The following BNC2 variants were observed in gnomAD, a reference collection of about 807,000 sequenced individuals.
The protein encoded by BNC2 is basonuclin zinc finger protein 2.
A neutral mutation model predicts 76.3 loss-of-function variants in BNC2; 20 were observed. The ratio of observed to expected loss-of-function variants is 0.26; its 90% CI spans 0.18 to 0.38. The LOEUF is 0.38. Ranked by LOEUF, BNC2 falls within the 10% of genes least tolerant of loss-of-function variation. BNC2 has a pLI of 1.00. For synonymous variants in BNC2, 582 were observed against 514.8 expected, an observed-to-expected ratio of 1.13 and a Z score of -1.77; for missense variants, 1,382 against 1,399.8, an observed-to-expected ratio of 0.99 and a Z score of 0.20.
intron 5 of BNC2, among the ~76,000 whole-genome samples, chr9:16,505,328 T>C (rs577999210): frequency 7.2e-5 from 11 of 152,300 alleles, no homozygotes; most frequent in East Asian, 3.9e-4. Context: ...TCTTTGTTTA[T>C]AGAAGGAGTA....
chr9:16,780,302 G>T (rs181589981), intron 1 of BNC2, among the ~76,000 whole-genome samples: 2 of 149,450 alleles, frequency 1.3e-5, no homozygotes, highest in Admixed American at 6.7e-5. Flanking sequence ...GGCTGGGCTC[G>T]GTGGCTCACG....
chr9:16,679,643 T>C (rs191226591), intron 3 of BNC2, among the ~76,000 whole-genome samples: 37 of 152,340 alleles, frequency 2.4e-4, no homozygotes, highest in Admixed American at 5.2e-4. Flanking sequence ...TGGTGACAAG[T>C]TGTCCTCTGA....
At chr9:16,530,516 G>A (rs934591296) in intron 5 of BNC2, among the ~76,000 whole-genome samples, 2 of 152,142 alleles carry the variant, frequency 1.3e-5, no homozygotes, top group African/African-American at 4.8e-5. Flanking sequence ...TAGGAGAGAG[G>A]GCGATGATCA....
At chr9:16,574,145 T>A (rs895464441) in intron 4 of BNC2, among the ~76,000 whole-genome samples, 1 of 152,198 alleles carries the variant, frequency 6.6e-6, no homozygotes, top group African/African-American at 2.4e-5. Context: ...GTTTCATTTA[T>A]AAACCCTTCA....
At chr9:16,831,416 G>A (rs1818575282) in intron 1 of BNC2, among the ~76,000 whole-genome samples, 1 of 152,210 alleles carries the variant, frequency 6.6e-6, no homozygotes, top group Admixed American at 6.5e-5. Context: ...GAATATATCT[G>A]TATTCACTTG....
chr9:16,705,713 G>A (rs1222710311), intron 3 of BNC2, among the ~76,000 whole-genome samples: 1 of 150,840 alleles, frequency 6.6e-6, no homozygotes, highest in African/African-American at 2.4e-5. Context: ...CTTTACATTT[G>A]CATTGATAAT....
intron 3 of BNC2, among the ~76,000 whole-genome samples, chr9:16,712,108 T>C (rs1443709554): frequency 6.6e-6 from 1 of 152,190 alleles, no homozygotes; most frequent in Non-Finnish European, 1.5e-5. Context: ...GTACAAAAAA[T>C]TATATCAAGA....
At chr9:16,676,840 A>ATTCACTAAC (rs1355240532) in intron 3 of BNC2, among the ~76,000 whole-genome samples, 1 of 152,218 alleles carries the variant, frequency 6.6e-6, no homozygotes, top group Non-Finnish European at 1.5e-5. Context: ...CCCTGTAAAT[A>ATTCACTAAC]TTCACTAACA....
intron 1 of BNC2, among the ~76,000 whole-genome samples, chr9:16,777,963 A>G (rs1826015969): frequency 6.6e-6 from 1 of 152,168 alleles, no homozygotes; most frequent in South Asian, 2.1e-4. Flanking sequence ...TAAACAAAAC[A>G]CATACTATTA....
intron 5 of BNC2, among the ~76,000 whole-genome samples, chr9:16,439,319 C>T (rs1250235162): frequency 6.6e-6 from 1 of 152,070 alleles, no homozygotes; most frequent in Non-Finnish European, 1.5e-5. Context: ...GAGGGGCATT[C>T]TACAAAACAG....
chr9:16,418,414 A>G lies in BNC2; in HGVS notation c.*575T>C, dbSNP rs1820630445. On this transcript the variant is annotated 3_prime_UTR_variant, in exon 7 of 7. Transcript: ENST00000380672. The stretch of plus-strand genomic sequence containing the variant: ...TAAAAATTAAACAAAAAAGTTAAAC[A>G]ACCATCAATACAATTGTTTTACATC... 2 of 149,708 alleles carry G rather than the reference A, an allele frequency of 1.3e-5. No individual in the cohort carries two copies. Among genetic ancestry groups the G allele is most frequent in the South Asian group, 4.5e-4 (2 of 4,490 alleles). The allele number at this position is 149,708 out of a possible 1,614,324, so 9.3% of individuals were successfully genotyped here.
At chr9:16,595,891 T>G (rs1483133508) in intron 3 of BNC2, among the ~76,000 whole-genome samples, 1 of 151,972 alleles carries the variant, frequency 6.6e-6, no homozygotes. Context: ...CAAAGCCTTG[T>G]GGAGAAAAAA....
chr9:16,829,787 A>G (rs1315344299), intron 1 of BNC2, among the ~76,000 whole-genome samples: 1 of 152,222 alleles, frequency 6.6e-6, no homozygotes, highest in Non-Finnish European at 1.5e-5. Context: ...GGCAGGGATT[A>G]CTTAAAAAAA....
At chr9:16,826,931 T>G (rs1470680630) in intron 1 of BNC2, among the ~76,000 whole-genome samples, 1 of 152,220 alleles carries the variant, frequency 6.6e-6, no homozygotes, top group African/African-American at 2.4e-5. Context: ...TGACAGATTT[T>G]GATGAAGGGA....
intron 3 of BNC2, chr9:16,685,625 G>A (rs1183480506): frequency 7.7e-7 from 1 of 1,304,254 alleles, no homozygotes. Context: ...CATGCCAATG[G>A]AACCTGAGGG....
At chr9:16,652,631 A>C (rs901688620) in intron 3 of BNC2, among the ~76,000 whole-genome samples, 2 of 152,178 alleles carry the variant, frequency 1.3e-5, no homozygotes, top group African/African-American at 2.4e-5. Flanking sequence ...AGGTTTTTAC[A>C]CCCTAAGTGC....
chr9:16,820,200 T>C (rs1018890347), intron 1 of BNC2, among the ~76,000 whole-genome samples: 5 of 134,648 alleles, frequency 3.7e-5, no homozygotes, highest in Non-Finnish European at 7.8e-5. Flanking sequence ...CCGAGGCAGG[T>C]GGATCACCTA....
At chr9:16,790,469 A>T (rs551410558) in intron 1 of BNC2, among the ~76,000 whole-genome samples, 1 of 150,296 alleles carries the variant, frequency 6.7e-6, no homozygotes, top group South Asian at 2.1e-4. Flanking sequence ...ATTTATTTAT[A>T]AAAAACTGTG....
intron 5 of BNC2, among the ~76,000 whole-genome samples, chr9:16,464,485 T>C (rs1244534676): frequency 6.6e-6 from 1 of 152,124 alleles, no homozygotes; most frequent in Non-Finnish European, 1.5e-5. Context: ...CAATATTAAA[T>C]AACTAGCACA....
Sources: allele counts gnomAD v4.1 joint callset (sites outside exome capture counted in the v4.1 genomes callset), GRCh38; gene constraint gnomAD v4.1.1; transcripts MANE v1.5; gene names NCBI Gene and HGNC (gene_info 2026-07-23, HGNC 2026-07-21).